MAS1: variants seen among roughly 807,000 people sequenced by gnomAD.
MAS1 encodes the protein proto-oncogene Mas.
For missense variants in MAS1, 387 were observed against 409.7 expected, an observed-to-expected ratio of 0.94 and a Z score of 0.48; for synonymous variants, 163 against 164.2, an observed-to-expected ratio of 0.99 and a Z score of 0.05.
Position 159,908,081 on chromosome 6 carries a change from A to T in MAS1, c.*148A>T. ...AGATACTAATTAATGATGAAATTGA[A>T]CTCTTGTACTGTATCTTCTGGAAAT... On this transcript the variant is annotated 3_prime_UTR_variant, in exon 3 of 3. Coordinates refer to ENST00000674077, the MANE Select transcript of MAS1 (RefSeq NM_002377.4). 1 of 817,724 alleles carries T rather than the reference A, an allele frequency of 1.2e-6. No individual in the cohort carries two copies. The highest frequency in any genetic ancestry group is 3.3e-5 in the Admixed American group (1 of 30,740). The allele number at this position is 817,724 out of a possible 1,614,324, so 50.7% of individuals were successfully genotyped here.
At position 159,908,950 on chromosome 6, in the gene MAS1, A is replaced by C. The variant is rs940973651; in HGVS notation, c.*1017A>C. On this transcript the variant is annotated 3_prime_UTR_variant, in exon 3 of 3. Coordinates refer to ENST00000674077, the MANE Select transcript of MAS1 (RefSeq NM_002377.4). The stretch of plus-strand genomic sequence containing the variant: ...CCTGCAGCCAAGTGCGGGTCTCTGC[A>C]CCTGTCTGCCTCCTCTCCTCCTGAG... 2 of 148,282 alleles carry C rather than the reference A, an allele frequency of 1.3e-5. No individual in the cohort carries two copies. The highest frequency in any genetic ancestry group is 3.0e-5 in the Non-Finnish European group (2 of 67,456). The allele number at this position is 148,282 out of a possible 1,614,324, so 9.2% of individuals were successfully genotyped here.
chr6:159,899,725 C>A (rs1277462847), intron 2 of MAS1, among the ~76,000 whole-genome samples: 1 of 152,002 alleles, frequency 6.6e-6, no homozygotes, highest in Non-Finnish European at 1.5e-5. Flanking sequence ...GGCAACAGAG[C>A]AAGACACTGT....
At chr6:159,889,598 G>A (rs556642512), upstream of MAS1, among the ~76,000 whole-genome samples, 32 of 152,124 alleles carry the variant, frequency 2.1e-4, no homozygotes, top group African/African-American at 7.7e-4. Flanking sequence ...CTGCCTTGCA[G>A]TCTGCTTTAG....
intron 1 of MAS1, among the ~76,000 whole-genome samples, chr6:159,894,563 T>C (rs1019927130): frequency 1.3e-5 from 2 of 152,050 alleles, no homozygotes; most frequent in Admixed American, 6.6e-5. Context: ...TGCTAGGCTC[T>C]GGCATCATCT....
chr6:159,910,296 C>T lies in MAS1; in HGVS notation c.*2363C>T, dbSNP rs191668907. 7.2e-5 allele frequency: 11 copies of T among 152,326 alleles called. No individual in the cohort carries two copies. The highest frequency in any genetic ancestry group is 1.9e-4 in the East Asian group (1 of 5,186). 9.4% of individuals were successfully genotyped at this position (152,326 alleles called of 1,614,324 possible). On this transcript the variant is annotated 3_prime_UTR_variant, in exon 3 of 3. Transcript: ENST00000674077. Reference sequence around the variant, plus strand: ...AAGGCAAAGACGGGGAAGCGGAAGCCGCTGTCTATGTCATAGGAGAAAGAG... The same window carrying T: ...AAGGCAAAGACGGGGAAGCGGAAGCTGCTGTCTATGTCATAGGAGAAAGAG...
Position 159,910,560 on chromosome 6 carries a change from G to A in MAS1, c.*2627G>A, listed in dbSNP as rs1782953895. On this transcript the variant is annotated 3_prime_UTR_variant, in exon 3 of 3. Coordinates refer to ENST00000674077, the MANE Select transcript of MAS1 (RefSeq NM_002377.4). ...TCACGCTAGACTATAAGCTCCTTGA[G>A]GGCAGGGACGTAGCTTTGCTCACTG... 6.6e-6 allele frequency: 1 copy of A among 152,244 alleles called. No homozygotes were observed. Among genetic ancestry groups the A allele is most frequent in the Non-Finnish European group, 1.5e-5 (1 of 68,088 alleles). 9.4% of individuals were successfully genotyped at this position (152,244 alleles called of 1,614,324 possible).
intron 2 of MAS1, among the ~76,000 whole-genome samples, chr6:159,899,889 T>C (rs1297579028): frequency 6.6e-6 from 1 of 151,460 alleles, no homozygotes; most frequent in African/African-American, 2.4e-5. Flanking sequence ...CTACTAAAAA[T>C]ACAAAAATTA....
At position 159,909,997 on chromosome 6, in the gene MAS1, A is replaced by G. The variant is rs1175390209; in HGVS notation, c.*2064A>G. ...TTTCTTTCTGTCTTCCCCCAAACCC[A>G]TTCCCAAAGTGAACTGTAAGGTTAA... On this transcript the variant is annotated 3_prime_UTR_variant, in exon 3 of 3. Transcript: ENST00000674077. 6.6e-6 allele frequency: 1 copy of G among 152,238 alleles called. No individual in the cohort carries two copies. Among genetic ancestry groups the G allele is most frequent in the Admixed American group, 6.5e-5 (1 of 15,288 alleles). The allele number at this position is 152,238 out of a possible 1,614,324, so 9.4% of individuals were successfully genotyped here. A position where few individuals can be genotyped will look rare whatever the true frequency, so the allele number is the denominator to read the frequency against.
Position 159,912,644 on chromosome 6 carries a change from T to C in MAS1, c.*4711T>C, listed in dbSNP as rs1391223974. 6.6e-6 allele frequency: 1 copy of C among 152,200 alleles called. No individual in the cohort carries two copies. The highest frequency in any genetic ancestry group is 1.5e-5 in the Non-Finnish European group (1 of 68,036). 9.4% of individuals were successfully genotyped at this position (152,200 alleles called of 1,614,324 possible). On this transcript the variant is annotated 3_prime_UTR_variant, in exon 3 of 3. Coordinates refer to ENST00000674077, the MANE Select transcript of MAS1 (RefSeq NM_002377.4). ...TGATATGAAAACATTAGCAAATGTA[T>C]CACTTATAAAATGGGTACCATCAGG...
Position 159,916,325 on chromosome 6 carries a change from T to C in MAS1, c.*8392T>C, listed in dbSNP as rs1485075720. The C allele has an allele frequency of 8.5e-5, 13 of 152,104 alleles. No individual in the cohort carries two copies. Among genetic ancestry groups the C allele is most frequent in the Non-Finnish European group, 1.6e-4 (11 of 68,008 alleles). 9.4% of individuals were successfully genotyped at this position (152,104 alleles called of 1,614,324 possible). A position where few individuals can be genotyped will look rare whatever the true frequency, so the allele number is the denominator to read the frequency against. ...ATAGAGACAGAAGGTAGAATGGTGG[T>C]GGCCGGGGGCTGGAGGGAGGAGGGA... is the stretch of plus-strand genomic sequence containing the variant. On this transcript the variant is annotated 3_prime_UTR_variant, in exon 3 of 3. Coordinates refer to ENST00000674077, the MANE Select transcript of MAS1 (RefSeq NM_002377.4).
chr6:159,898,668 T>C (rs220731), intron 1 of MAS1, among the ~76,000 whole-genome samples: 788 of 48,074 alleles, frequency 0.016, 1 homozygote, highest in South Asian at 0.027. Flanking sequence ...CCCTCCTCCT[T>C]CCTCTTCCTC....
intron 1 of MAS1, among the ~76,000 whole-genome samples, chr6:159,896,870 G>A (rs978191441): frequency 2.6e-5 from 4 of 151,892 alleles, no homozygotes; most frequent in Non-Finnish European, 1.5e-5. Context: ...TTGTTTGTTT[G>A]TTTGTTTGTT....
chr6:159,899,425 T>C (rs1782797691), intron 2 of MAS1, 33 bp downstream of exon 2: 1 of 152,220 alleles, frequency 6.6e-6, no homozygotes, highest in Non-Finnish European at 1.5e-5. Flanking sequence ...GCAAGTGCTG[T>C]GTAAGAAAAA....
In MAS1 at chr6:159,907,025, T is replaced by C; in HGVS notation, c.70T>C (p.Ser24Pro). The C allele has an allele frequency of 6.2e-7, 1 of 1,613,894 alleles. No individual in the cohort carries two copies. Among genetic ancestry groups the C allele is most frequent in the East Asian group, 2.2e-5 (1 of 44,858 alleles). The change falls in exon 3 of 3, where the codon TCA becomes CCA. Residue 24 changes from serine to proline, a missense_variant. Physicochemically the swap from Ser to Pro is moderately conservative, Grantham distance 74. Transcript: ENST00000674077. ...GAACATCTCAACTGGCAGGAACGCC[T>C]CAGTCGGGAATGCACATCGGCAAAT... ...PTNISTGRNA[S>P]VGNAHRQIPI... is the part of the protein sequence containing the mutation.
rs1301429114 is a variant in MAS1 at position 159,914,564 on chromosome 6, G to C, written c.*6631G>C. 1 of 152,238 alleles carries C rather than the reference G, an allele frequency of 6.6e-6. No homozygotes were observed. The highest frequency in any genetic ancestry group is 1.5e-5 in the Non-Finnish European group (1 of 68,070). 9.4% of individuals were successfully genotyped at this position (152,238 alleles called of 1,614,324 possible). A position where few individuals can be genotyped will look rare whatever the true frequency, so the allele number is the denominator to read the frequency against. On this transcript the variant is annotated 3_prime_UTR_variant, in exon 3 of 3. Transcript: ENST00000674077. ...AATCTTGAGCTTTTTGTTGTTTCCA[G>C]GCCAGGGGAGGGCTCTCGAGTATAC... is the stretch of plus-strand genomic sequence containing the variant.
intron 1 of MAS1, among the ~76,000 whole-genome samples, chr6:159,896,790 C>A (rs1782757990): frequency 2.0e-5 from 3 of 152,236 alleles, no homozygotes; most frequent in Middle Eastern, 3.4e-3. Context: ...TCATACAGAG[C>A]CAGCTAAACT....
intron 2 of MAS1, among the ~76,000 whole-genome samples, chr6:159,906,481 C>T (rs1782888318): frequency 6.6e-6 from 1 of 152,230 alleles, no homozygotes. Flanking sequence ...TGCGTTTTGT[C>T]ATCAAGTCTT....
At chr6:159,894,280 G>A (rs1428940651) in intron 1 of MAS1, among the ~76,000 whole-genome samples, 1 of 152,048 alleles carries the variant, frequency 6.6e-6, no homozygotes, top group African/African-American at 2.4e-5. Flanking sequence ...TTAGTCAGAT[G>A]TGGTGGCGGG....
At position 159,910,611 on chromosome 6, in the gene MAS1, T is replaced by G. The variant is rs9295115; in HGVS notation, c.*2678T>G. 64,534 of 152,136 alleles carry G rather than the reference T, an allele frequency of 0.42. 14,879 individuals are homozygous for G. The highest frequency in any genetic ancestry group is 0.69 in the East Asian group (3,548 of 5,170). The allele number at this position is 152,136 out of a possible 1,614,324, so 9.4% of individuals were successfully genotyped here. A position where few individuals can be genotyped will look rare whatever the true frequency, so the allele number is the denominator to read the frequency against. ...CTGTAGCCCCAGCTTATTTGCTGTG[T>G]TGGTCGAATCCACTGCACCCCTCTC... On this transcript the variant is annotated 3_prime_UTR_variant, in exon 3 of 3. Coordinates refer to ENST00000674077, the MANE Select transcript of MAS1 (RefSeq NM_002377.4).
Sources: gnomAD v4.1 joint callset for allele counts (sites outside exome capture counted in the v4.1 genomes callset) on GRCh38, gnomAD v4.1.1 for gene constraint, MANE v1.5 for transcripts, NCBI Gene and HGNC (gene_info 2026-07-23, HGNC 2026-07-21) for gene names.